The following CNTN4 variants were observed in gnomAD, a reference collection of about 807,000 sequenced individuals.
CNTN4 encodes contactin 4.
A neutral mutation model predicts 122.5 loss-of-function variants in CNTN4; 77 were observed. The observed-to-expected ratio is 0.63, with a 90% confidence interval of 0.52 to 0.76. The LOEUF (loss-of-function observed/expected upper bound fraction) is 0.76, where lower values mean the gene tolerates loss of function less well. CNTN4 is among the 30% of genes least tolerant of loss of function. The pLI is 0.00. For synonymous variants in CNTN4, 512 were observed against 447.0 expected (o/e 1.15, Z -1.83); for missense variants, 1,256 against 1,259.1 (o/e 1.00, Z 0.04).
At chr3:3,002,114 G>A (rs1238211094) in intron 14 of CNTN4, among the ~76,000 whole-genome samples, 1 of 152,192 alleles carries the variant, frequency 6.6e-6, no homozygotes, top group Non-Finnish European at 1.5e-5. Flanking sequence ...ATGAAATAGG[G>A]AGAGTGTAGA....
intron 13 of CNTN4, among the ~76,000 whole-genome samples, chr3:2,982,318 A>G (rs1432837048): frequency 1.3e-5 from 2 of 152,186 alleles, no homozygotes; most frequent in Non-Finnish European, 2.9e-5. Context: ...TCACCTGAAC[A>G]AGTTCAGCAA....
chr3:2,652,851 G>A (rs2083426769), intron 4 of CNTN4, among the ~76,000 whole-genome samples: 1 of 152,062 alleles, frequency 6.6e-6, no homozygotes, highest in Non-Finnish European at 1.5e-5. Context: ...AAATACTTAT[G>A]GATCTTTTCT....
intron 3 of CNTN4, among the ~76,000 whole-genome samples, chr3:2,375,537 C>T (rs1017453001): frequency 1.3e-5 from 2 of 152,162 alleles, no homozygotes; most frequent in Admixed American, 6.5e-5. Flanking sequence ...ACAGATCCTA[C>T]TCTGCTTTCT....
At position 2,625,591 on chromosome 3, in the gene CNTN4, C is replaced by T. The variant is rs377545195; in HGVS notation, c.55+54033C>T. 1.7e-4 allele frequency among the ~76,000 whole-genome samples: 26 copies of T among 152,270 alleles called. 1 individual carries two copies. The South Asian group carries it at 4.6e-3, about 27-fold the overall frequency. On this transcript the variant is annotated intron_variant, in intron 4 of 24. Transcript: ENST00000418658. ...TATAAACTTTGAGTGAATAGAGTTA[C>T]GTTGAAACTTGTGACTTGCTTCTTT...
chr3:2,473,526 A>G (rs1282312529), intron 3 of CNTN4, among the ~76,000 whole-genome samples: 1 of 152,226 alleles, frequency 6.6e-6, no homozygotes, highest in African/African-American at 2.4e-5. Flanking sequence ...TTCGTAAATT[A>G]TACTACCCTT....
rs980200160 is a variant in CNTN4 at position 2,278,883 on chromosome 3, A to T, written c.-144-60295A>T. On this transcript the variant is annotated intron_variant, in intron 2 of 24. Coordinates refer to ENST00000418658, the MANE Select transcript of CNTN4 (RefSeq NM_175607.3). Reference sequence around the variant, plus strand: ...TTGTCACTACTGTTATTTACCCTAAATAAATTCAATATTTATCTTTAGTTA... The same window carrying T: ...TTGTCACTACTGTTATTTACCCTAATTAAATTCAATATTTATCTTTAGTTA... Among the ~76,000 whole-genome samples, 148 of 151,902 alleles carry T rather than the reference A, an allele frequency of 9.7e-4. 4 individuals carry two copies. Among genetic ancestry groups the T allele is most frequent in the African/African-American group, 3.5e-3 (146 of 41,168 alleles).
At chr3:2,820,069 G>A (rs1273805248) in intron 7 of CNTN4, among the ~76,000 whole-genome samples, 1 of 152,044 alleles carries the variant, frequency 6.6e-6, no homozygotes, top group Non-Finnish European at 1.5e-5. Context: ...ATTCCATTTT[G>A]ACAGTAACTA....
At chr3:2,872,648 G>A (rs1290044394) in intron 8 of CNTN4, among the ~76,000 whole-genome samples, 1 of 152,078 alleles carries the variant, frequency 6.6e-6, no homozygotes, top group East Asian at 1.9e-4. Context: ...GGAACAATGA[G>A]ATTATCCTAT....
intron 13 of CNTN4, among the ~76,000 whole-genome samples, chr3:2,942,493 G>A (rs565547712): frequency 7.9e-5 from 12 of 152,194 alleles, no homozygotes; most frequent in Non-Finnish European, 1.8e-4. Flanking sequence ...AATTACTGCA[G>A]TTGATATAAG....
rs11919669 is a variant in CNTN4 at position 2,986,589 on chromosome 3, C to T, written c.1359-1756C>T. On this transcript the variant is annotated intron_variant, in intron 13 of 24. Coordinates refer to ENST00000418658, the MANE Select transcript of CNTN4 (RefSeq NM_175607.3). The stretch of plus-strand genomic sequence containing the variant: ...AGTATATGCAGCATTTGCAACCCAG[C>T]GCATTTACATCTTCACCTGTGTTTT... Among the ~76,000 whole-genome samples, 1,024 of 152,292 alleles carry T rather than the reference C, an allele frequency of 6.7e-3. 10 individuals are homozygous for T. Among genetic ancestry groups the T allele is most frequent in the African/African-American group, 0.023 (937 of 41,570 alleles).
intron 4 of CNTN4, among the ~76,000 whole-genome samples, chr3:2,729,500 T>C (rs1174061096): frequency 9.6e-5 from 11 of 115,026 alleles, no homozygotes; most frequent in East Asian, 7.9e-4. Context: ...GCCGAGATCG[T>C]GCCACTGCTC....
At chr3:2,748,841 T>A (rs1393910224) in intron 6 of CNTN4, among the ~76,000 whole-genome samples, 1 of 152,250 alleles carries the variant, frequency 6.6e-6, no homozygotes, top group East Asian at 1.9e-4. Context: ...CCCTGCTTTA[T>A]GCCTTCTACT....
At chr3:2,109,033 A>G (rs759059988) in intron 2 of CNTN4, among the ~76,000 whole-genome samples, 1 of 152,228 alleles carries the variant, frequency 6.6e-6, no homozygotes, top group Non-Finnish European at 1.5e-5. Context: ...AGTGAGAGTG[A>G]TTAGGAAATA....
intron 4 of CNTN4, among the ~76,000 whole-genome samples, chr3:2,610,667 A>G (rs546194534): frequency 6.6e-6 from 1 of 152,328 alleles, no homozygotes. Flanking sequence ...AGAACAGACC[A>G]TGGAAATGTT....
At chr3:2,194,205 T>A (rs1043781597) in intron 2 of CNTN4, among the ~76,000 whole-genome samples, 1 of 152,282 alleles carries the variant, frequency 6.6e-6, no homozygotes, top group African/African-American at 2.4e-5. Flanking sequence ...GGTTCATGCC[T>A]GTAATCCCAG....
intron 3 of CNTN4, among the ~76,000 whole-genome samples, chr3:2,469,026 C>T (rs1052063262): frequency 2.6e-5 from 4 of 152,130 alleles, no homozygotes; most frequent in African/African-American, 9.7e-5. Flanking sequence ...CAGTCAAAAT[C>T]CGTCACTGTG....
intron 4 of CNTN4, among the ~76,000 whole-genome samples, chr3:2,653,868 C>A (rs1273868662): frequency 1.3e-5 from 2 of 152,072 alleles, no homozygotes; most frequent in African/African-American, 4.8e-5. Context: ...TCTACCAAAC[C>A]CAGGATGTGT....
At chr3:2,196,513 A>G (rs966020905) in intron 2 of CNTN4, among the ~76,000 whole-genome samples, 18 of 152,164 alleles carry the variant, frequency 1.2e-4, no homozygotes, top group African/African-American at 4.3e-4. Context: ...GAAAGTATTT[A>G]TTGAGCATCT....
intron 4 of CNTN4, among the ~76,000 whole-genome samples, chr3:2,603,442 A>T (rs2081132243): frequency 6.6e-6 from 1 of 152,212 alleles, no homozygotes; most frequent in South Asian, 2.1e-4. Flanking sequence ...CAGGTAATCA[A>T]ATCTTTACAG....
Sources: gnomAD v4.1 joint callset for allele counts (sites outside exome capture counted in the v4.1 genomes callset) on GRCh38, gnomAD v4.1.1 for gene constraint, MANE v1.5 for transcripts, NCBI Gene and HGNC (gene_info 2026-07-23, HGNC 2026-07-21) for gene names.